Variants in HCRTR2 observed in about 807,000 individuals in gnomAD.
The protein encoded by HCRTR2 is hypocretin receptor 2.
In HCRTR2, 22 loss-of-function variants were observed where a neutral mutation model predicts 49.0. The observed-to-expected ratio is 0.45, with a 90% confidence interval of 0.32 to 0.64. HCRTR2 has a LOEUF of 0.64. HCRTR2 is among the 30% of genes least tolerant of loss of function. The pLI, the probability that HCRTR2 is intolerant of heterozygous loss-of-function variation, is 0.04. For synonymous variants in HCRTR2, 236 were observed against 205.3 expected (o/e 1.15, Z -1.28); for missense variants, 491 against 559.4 (o/e 0.88, Z 1.23).
upstream of HCRTR2, among the ~76,000 whole-genome samples, chr6:55,170,647 A>G (rs892371101): frequency 9.2e-5 from 14 of 151,916 alleles, no homozygotes; most frequent in African/African-American, 3.4e-4. Context: ...GGTTTGTTAC[A>G]TATGTATGCA....
At chr6:55,251,406 T>C (rs77918024) in intron 2 of HCRTR2, among the ~76,000 whole-genome samples, 4,360 of 152,222 alleles carry the variant, frequency 0.029, 266 homozygotes, top group Admixed American at 0.15. Context: ...GTATCTTTAA[T>C]AATTGCATAA....
downstream of HCRTR2, among the ~76,000 whole-genome samples, chr6:55,283,662 A>G (rs1767236148): frequency 6.6e-6 from 1 of 152,190 alleles, no homozygotes; most frequent in Non-Finnish European, 1.5e-5. Flanking sequence ...TGAAAATTAA[A>G]CTAAAAGTAA....
intron 1 of HCRTR2, among the ~76,000 whole-genome samples, chr6:55,123,007 A>G (rs2127239124): frequency 6.6e-6 from 1 of 151,800 alleles, no homozygotes; most frequent in East Asian, 1.9e-4. Context: ...TAGGAGATAT[A>G]CCTAAAGTAA....
chr6:55,262,554 T>A (rs1343882883), intron 3 of HCRTR2, among the ~76,000 whole-genome samples: 1 of 132,766 alleles, frequency 7.5e-6, no homozygotes, highest in Non-Finnish European at 1.6e-5. Flanking sequence ...TATAACTTAT[T>A]ATATATTATA....
intron 1 of HCRTR2, among the ~76,000 whole-genome samples, chr6:55,156,226 A>G (rs1164581248): frequency 1.3e-5 from 2 of 151,972 alleles, no homozygotes. Context: ...AGAGAAATTA[A>G]GTATAATAAT....
chr6:55,171,004 C>G (rs1764942370), upstream of HCRTR2, among the ~76,000 whole-genome samples: 2 of 151,766 alleles, frequency 1.3e-5, no homozygotes, highest in African/African-American at 4.8e-5. Flanking sequence ...GGGTTGGTTC[C>G]AAGTCTTTGC....
chr6:55,262,681 T>A (rs1766788710), intron 3 of HCRTR2, among the ~76,000 whole-genome samples: 1 of 141,130 alleles, frequency 7.1e-6, no homozygotes, highest in Non-Finnish European at 1.5e-5. Context: ...ATATAAAATA[T>A]ATATTATGTA....
intron 1 of HCRTR2, among the ~76,000 whole-genome samples, chr6:55,234,105 A>T (rs1474790399): frequency 6.6e-6 from 1 of 152,226 alleles, no homozygotes; most frequent in East Asian, 1.9e-4. Context: ...TCAGGAATTT[A>T]TGACAGCAAA....
intron 1 of HCRTR2, among the ~76,000 whole-genome samples, chr6:55,112,592 G>A (rs1048783078): frequency 4.0e-5 from 6 of 148,774 alleles, no homozygotes; most frequent in South Asian, 2.1e-4. Flanking sequence ...TAACCAAGGA[G>A]GTGAAATACT....
intron 3 of HCRTR2, among the ~76,000 whole-genome samples, chr6:55,256,773 C>T (rs1416195764): frequency 2.0e-5 from 3 of 151,990 alleles, no homozygotes; most frequent in Non-Finnish European, 4.4e-5. Flanking sequence ...ATTTAATGCT[C>T]AAACACCACC....
intron 3 of HCRTR2, 39 bp from the exon 4 acceptor site, chr6:55,263,668 T>C (rs764759598): frequency 9.4e-7 from 1 of 1,058,274 alleles, no homozygotes. Context: ...AGTCCATCAA[T>C]TGTAACGTAA....
In HCRTR2 at chr6:55,261,866, T is replaced by C. The variant is rs964148414; in HGVS notation, c.647-1841T>C. ...AGCACAATTCGCAAATGGAAAAATA[T>C]AGAACCAGCCCAAATGCCCATCAAT... On this transcript the variant is annotated intron_variant, in intron 3 of 6. Coordinates refer to ENST00000370862, the MANE Select transcript of HCRTR2 (RefSeq NM_001384272.1). 1.4e-4 allele frequency among the ~76,000 whole-genome samples: 21 copies of C among 152,234 alleles called. 1 individual carries two copies. The highest frequency in any genetic ancestry group is 1.4e-3 in the Admixed American group (21 of 15,282).
At chr6:55,269,087 C>CAAAAAAAAAAAAAAAAAA (rs1158724252) in intron 4 of HCRTR2, among the ~76,000 whole-genome samples, 1 of 55,744 alleles carries the variant, frequency 1.8e-5, no homozygotes, top group Non-Finnish European at 4.3e-5. Context: ...GACTCCGTCT[C>CAAAAAAAAAAAAAAAAAA]AAAAAAAAAA....
chr6:55,243,661 C>G (rs770684847), intron 1 of HCRTR2, among the ~76,000 whole-genome samples: 1 of 152,006 alleles, frequency 6.6e-6, no homozygotes, highest in Non-Finnish European at 1.5e-5. Flanking sequence ...ATAGTTACTG[C>G]AGAATGTATT....
intron 1 of HCRTR2, among the ~76,000 whole-genome samples, chr6:55,168,468 A>G (rs187736432): frequency 1.3e-5 from 2 of 152,302 alleles, no homozygotes; most frequent in African/African-American, 4.8e-5. Flanking sequence ...TTGGACCCTG[A>G]CAACTCTGCT....
chr6:55,207,916 A>G (rs1765630128), intron 1 of HCRTR2, among the ~76,000 whole-genome samples: 1 of 152,224 alleles, frequency 6.6e-6, no homozygotes, highest in Admixed American at 6.5e-5. Context: ...CTACAGATAG[A>G]GGAACAGTTT....
intron 1 of HCRTR2, among the ~76,000 whole-genome samples, chr6:55,117,635 T>C (rs548685060): frequency 1.1e-3 from 174 of 151,774 alleles, no homozygotes; most frequent in Non-Finnish European, 2.0e-3. Flanking sequence ...TTGTGCTCTC[T>C]TTAATTACAG....
At chr6:55,161,782 G>C (rs1048855621) in intron 1 of HCRTR2, among the ~76,000 whole-genome samples, 1 of 152,020 alleles carries the variant, frequency 6.6e-6, no homozygotes, top group African/African-American at 2.4e-5. Flanking sequence ...GACTAAACCA[G>C]GAAGAAGTCA....
At chr6:55,170,388 T>A (rs1038664589), upstream of HCRTR2, among the ~76,000 whole-genome samples, 5 of 150,846 alleles carry the variant, frequency 3.3e-5, no homozygotes, top group Non-Finnish European at 7.4e-5. Context: ...ATAGAATGTG[T>A]AATGGTCAAG....
Sources: allele counts gnomAD v4.1 joint callset (sites outside exome capture counted in the v4.1 genomes callset), GRCh38; gene constraint gnomAD v4.1.1; transcripts MANE v1.5; gene names NCBI Gene and HGNC (gene_info 2026-07-23, HGNC 2026-07-21).